ATP8B1: variants seen among roughly 807,000 people sequenced by gnomAD.
The protein encoded by ATP8B1 is ATPase phospholipid transporting 8B1, also known as phospholipid-transporting ATPase IC.
A neutral mutation model predicts 149.9 loss-of-function variants in ATP8B1; 80 were observed. The observed-to-expected ratio is 0.53, with a 90% confidence interval of 0.45 to 0.64. ATP8B1 has a LOEUF of 0.64. ATP8B1 is among the 30% of genes least tolerant of loss of function. ATP8B1 has a pLI of 0.00. For synonymous variants in ATP8B1, 536 were observed against 562.8 expected (o/e 0.95, Z 0.67); for missense variants, 1,247 against 1,552.6 (o/e 0.80, Z 3.31).
chr18:57,701,243 G>T lies in ATP8B1; in HGVS notation c.464C>A (p.Thr155Asn). 1 of 1,614,210 alleles carries T rather than the reference G, an allele frequency of 6.2e-7. No homozygotes were observed. The highest frequency in any genetic ancestry group is 8.5e-7 in the Non-Finnish European group (1 of 1,180,050). Residue 155 changes from threonine (T) to asparagine (N), a missense_variant, in exon 5 of 28, where the codon ACT becomes AAT. Thr to Asn is a moderately conservative substitution (Grantham distance 65). Coordinates refer to ENST00000648908, the MANE Select transcript of ATP8B1 (RefSeq NM_001374385.1). ...ATCGTCCACCAGGTCTTTGATTGCA[G>T]TGACGCCCAGCACCACAAGCAGGGG... is the stretch of plus-strand genomic sequence containing the variant. ...LVPLLVVLGV[T>N]AIKDLVDDVA...
intron 1 of ATP8B1, among the ~76,000 whole-genome samples, chr18:57,751,537 C>T (rs2080019852): frequency 6.6e-6 from 1 of 151,988 alleles, no homozygotes; most frequent in African/African-American, 2.4e-5. Flanking sequence ...AAATCAGAAT[C>T]AATGACTCTC....
rs1169520141 is a variant in ATP8B1, at chr18:57,648,235, C to A, written c.*253G>T. 8.7e-6 allele frequency: 5 copies of A among 576,984 alleles called. No homozygotes were observed. The highest frequency in any genetic ancestry group is 1.2e-5 in the Non-Finnish European group (4 of 321,882). 35.7% of individuals were successfully genotyped at this position (576,984 alleles called of 1,614,324 possible). A position where few individuals can be genotyped will look rare whatever the true frequency, so the allele number is the denominator to read the frequency against. ...TCCTGGCCTCAGGTGATCTCCCCTC[C>A]TCAGCCTCCTAAAGTGCTGGGATTA... On this transcript the variant is annotated 3_prime_UTR_variant, in exon 28 of 28. Transcript: ENST00000648908.
chr18:57,670,497 G>A (rs1277916946), intron 17 of ATP8B1, among the ~76,000 whole-genome samples: 2 of 151,282 alleles, frequency 1.3e-5, no homozygotes, highest in African/African-American at 2.4e-5. Flanking sequence ...GATTACAGGC[G>A]GGTGCCACTG....
At chr18:57,786,135 G>C (rs900985451) in intron 1 of ATP8B1, among the ~76,000 whole-genome samples, 1 of 152,122 alleles carries the variant, frequency 6.6e-6, no homozygotes, top group African/African-American at 2.4e-5. Flanking sequence ...ACTGCGCTGG[G>C]GGCTGAGCTA....
At chr18:57,764,017 A>G (rs1184162934) in intron 1 of ATP8B1, among the ~76,000 whole-genome samples, 1 of 152,248 alleles carries the variant, frequency 6.6e-6, no homozygotes, top group Non-Finnish European at 1.5e-5. Context: ...CCAGCTGTGC[A>G]CTGCCGAAGG....
chr18:57,684,326 G>T, intron 14 of ATP8B1, 134 bp from the exon 15 acceptor site: 1 of 953,342 alleles, frequency 1.0e-6, no homozygotes, highest in Non-Finnish European at 1.6e-6. Context: ...ATTCTTAAAT[G>T]TCAAGAGGCT....
intron 1 of ATP8B1, among the ~76,000 whole-genome samples, chr18:57,744,294 A>C (rs1191454511): frequency 2.5e-5 from 3 of 118,824 alleles, no homozygotes; most frequent in Non-Finnish European, 4.9e-5. Flanking sequence ...TGGGTGACAG[A>C]GTGAGACTGT....
At chr18:57,688,555 G>C (rs552158862) in intron 12 of ATP8B1, 48 bp from the exon 13 acceptor site, 1 of 1,568,788 alleles carries the variant, frequency 6.4e-7, no homozygotes, top group African/African-American at 1.4e-5. Context: ...GATACGAGTG[G>C]CAAGTAGTAG....
chr18:57,735,813 TTTTAC>T (rs2079846223), intron 1 of ATP8B1, among the ~76,000 whole-genome samples: 1 of 147,598 alleles, frequency 6.8e-6, no homozygotes, highest in African/African-American at 2.5e-5. Flanking sequence ...CTTTATTTTA[TTTTAC>T]TTTAAGTTCT....
intron 1 of ATP8B1, among the ~76,000 whole-genome samples, chr18:57,754,131 T>A (rs963891169): frequency 6.6e-6 from 1 of 151,788 alleles, no homozygotes; most frequent in Non-Finnish European, 1.5e-5. Flanking sequence ...TGCATTACAA[T>A]TTTTTTCTTT....
intron 1 of ATP8B1, among the ~76,000 whole-genome samples, chr18:57,759,154 T>C (rs2080118377): frequency 2.8e-5 from 1 of 35,584 alleles, no homozygotes; most frequent in South Asian, 2.0e-3. Context: ...AGATTCCATC[T>C]CAAAAAAAAA....
At chr18:57,792,153 A>G (rs2080469623) in intron 1 of ATP8B1, among the ~76,000 whole-genome samples, 1 of 152,216 alleles carries the variant, frequency 6.6e-6, no homozygotes, top group Non-Finnish European at 1.5e-5. Context: ...CATTCCTTTT[A>G]TAACATGTCA....
At chr18:57,711,668 C>T (rs888584763) in intron 2 of ATP8B1, among the ~76,000 whole-genome samples, 1 of 152,194 alleles carries the variant, frequency 6.6e-6, no homozygotes, top group Non-Finnish European at 1.5e-5. Flanking sequence ...TCATAGCTCA[C>T]TGCAGCCTCT....
At position 57,684,207 on chromosome 18, in the gene ATP8B1, GA is replaced by G; in HGVS notation, c.1474-16del. The stretch of plus-strand genomic sequence containing the variant: ...AAATCAACTTGCTGAAAGAAATGGA[GA>G]AAAACAAAATATGATTTTATAAAAT... On this transcript the variant is annotated splice_polypyrimidine_tract_variant and intron_variant, in intron 14 of 27. Transcript: ENST00000648908. 2 of 1,610,292 alleles carry G rather than the reference GA, an allele frequency of 1.2e-6. No homozygotes were observed. The highest frequency in any genetic ancestry group is 1.7e-6 in the Non-Finnish European group (2 of 1,177,104).
chr18:57,743,679 T>C (rs552631980), intron 1 of ATP8B1, among the ~76,000 whole-genome samples: 1 of 151,896 alleles, frequency 6.6e-6, no homozygotes, highest in Admixed American at 6.6e-5. Context: ...AGGTGGGAGA[T>C]CTGGGGGAAA....
chr18:57,722,225 G>A (rs2079654095), intron 2 of ATP8B1, among the ~76,000 whole-genome samples: 2 of 151,804 alleles, frequency 1.3e-5, no homozygotes, highest in Non-Finnish European at 2.9e-5. Flanking sequence ...AAAGTTAGCA[G>A]AAGGCAAGAA....
chr18:57,771,504 C>T (rs1314262583), intron 1 of ATP8B1, among the ~76,000 whole-genome samples: 1 of 152,198 alleles, frequency 6.6e-6, no homozygotes, highest in Non-Finnish European at 1.5e-5. Flanking sequence ...CCAGGTTCCC[C>T]TTGCTCAAGC....
chr18:57,706,826 G>A (rs1254557759), intron 2 of ATP8B1, among the ~76,000 whole-genome samples: 1 of 152,184 alleles, frequency 6.6e-6, no homozygotes, highest in African/African-American at 2.4e-5. Flanking sequence ...AGAGATAGAT[G>A]GAAGACGATG....
rs1261743603 is a variant in ATP8B1 at position 57,648,515 on chromosome 18, C to T, written c.3729G>A (p.Ala1243=). The T allele has an allele frequency of 6.2e-7, 1 of 1,611,390 alleles. No homozygotes were observed. The highest frequency in any genetic ancestry group is 8.5e-7 in the Non-Finnish European group (1 of 1,179,992). Residue 1243 remains alanine, a synonymous_variant, in exon 28 of 28, where the codon GCG becomes GCA. Coordinates refer to ENST00000648908, the MANE Select transcript of ATP8B1 (RefSeq NM_001374385.1). ...AGCTGTCCCCGGTGCGCCTGTACTC[C>T]GCGGTGCCATCCGCCACGATGGCAT... ...PLDAIVADGT[A]EYRRTGDS
Sources: allele counts gnomAD v4.1 joint callset (sites outside exome capture counted in the v4.1 genomes callset), GRCh38; gene constraint gnomAD v4.1.1; transcripts MANE v1.5; gene names NCBI Gene and HGNC (gene_info 2026-07-23, HGNC 2026-07-21).